Variants in DNAH1 observed in about 807,000 individuals in gnomAD.
The protein encoded by DNAH1 is dynein axonemal heavy chain 1.
Under a neutral mutation model 484.3 loss-of-function variants are expected in DNAH1, and 327 were observed. The observed-to-expected ratio is 0.68, with a 90% CI of 0.62 to 0.74. DNAH1 has a LOEUF of 0.74. DNAH1 is among the 30% of genes least tolerant of loss of function. The pLI, the probability that DNAH1 is intolerant of heterozygous loss-of-function variation, is 0.00. For synonymous variants in DNAH1, 2,192 were observed against 2,191.9 expected (o/e 1.00, Z 0.00); for missense variants, 5,052 against 5,546.8 (o/e 0.91, Z 2.83).
Position 52,331,261 on chromosome 3 carries a change from C to G in DNAH1, c.985C>G (p.Arg329Gly). ...VHKTDEKGLV[R>G]DEMGRPILNA... ...CAAGACAGACGAGAAAGGCCTGGTG[C>G]GAGATGAGATGGGGAGGCCCATCCT... is the stretch of plus-strand genomic sequence containing the variant. The change falls in exon 7 of 78, where the codon CGA becomes GGA. Residue 329 changes from arginine (R) to glycine (G), a missense_variant. By Grantham distance (125) the Arg-to-Gly change is moderately radical. Coordinates refer to ENST00000420323, the MANE Select transcript of DNAH1 (RefSeq NM_015512.5). 6.2e-7 allele frequency: 1 copy of G among 1,611,144 alleles called. No homozygotes were observed. Among genetic ancestry groups the G allele is most frequent in the Non-Finnish European group, 8.5e-7 (1 of 1,178,792 alleles).
At position 52,393,323 on chromosome 3, in the gene DNAH1, C is replaced by T. The variant is rs748927162; in HGVS notation, c.10475-11C>T. 5 of 1,613,768 alleles carry T rather than the reference C, an allele frequency of 3.1e-6. No homozygotes were observed. Among genetic ancestry groups the T allele is most frequent in the South Asian group, 2.2e-5 (2 of 91,068 alleles). On this transcript the variant is annotated splice_polypyrimidine_tract_variant and intron_variant, in intron 65 of 77. Coordinates refer to ENST00000420323, the MANE Select transcript of DNAH1 (RefSeq NM_015512.5). Reference sequence around the variant, plus strand: ...ACCTCTCCGCGCTGCCATCACTTCTCCACTCCACAGACAACCTGAAGAAGC... The same window carrying T: ...ACCTCTCCGCGCTGCCATCACTTCTTCACTCCACAGACAACCTGAAGAAGC...
Position 52,386,681 on chromosome 3 carries a change from C to A in DNAH1, c.8831C>A (p.Pro2944Gln). The part of the protein sequence containing the change: ...DVTEVRAMQR[P>Q]PPGVKLVIEA... ...CTGCAGGTACGTGCCATGCAGCGGC[C>A]ACCCCCGGGTGTGAAACTGGTCATA... The change falls in exon 56 of 78, where the codon CCA (proline) becomes CAA (glutamine). Residue 2944 changes from proline to glutamine, a missense_variant. Physicochemically the swap from Pro to Gln is moderately conservative, Grantham distance 76. Around this residue, in one of 4 missense-constraint regions of DNAH1, gnomAD observed 2,929 missense variants for 3,409.4 expected, o/e 0.86. Transcript: ENST00000420323. 6.3e-7 allele frequency: 1 copy of A among 1,586,548 alleles called. No homozygotes were observed. Among genetic ancestry groups the A allele is most frequent in the South Asian group, 1.2e-5 (1 of 86,538 alleles).
At position 52,357,035 on chromosome 3, in the gene DNAH1, T is replaced by G. The variant is rs369054867; in HGVS notation, c.3858+257T>G. ...TTTTTTTTGTTTGTCTGTTTTTTTT[T>G]TTTTGTTTTTTTTTTTGAAACAGAG... is the stretch of plus-strand genomic sequence containing the variant. On this transcript the variant is annotated intron_variant, in intron 22 of 77. Coordinates refer to ENST00000420323, the MANE Select transcript of DNAH1 (RefSeq NM_015512.5). Among the ~76,000 whole-genome samples the G allele has an allele frequency of 0.034, 5,063 of 151,068 alleles. 260 individuals are homozygous for G. The highest frequency in any genetic ancestry group is 0.1 in the African/African-American group (4,270 of 40,764).
Position 52,392,491 on chromosome 3 carries a change from G to C in DNAH1, c.10080G>C (p.Gln3360His), listed in dbSNP as rs116930509. Residue 3360 changes from glutamine to histidine, a missense_variant, in exon 64 of 78, where the codon CAG (glutamine) becomes CAC (histidine). Gln to His is a conservative substitution (Grantham distance 24, BLOSUM62 0). This residue lies in a region of DNAH1 where 2,929 missense variants were observed against 3,409.4 expected (regional missense o/e 0.86). Coordinates refer to ENST00000420323, the MANE Select transcript of DNAH1 (RefSeq NM_015512.5). ...GCCTAGAGGACCAGCTACTGGGCCA[G>C]GTAGTGGCAGAGGAGCGACCCGACC... ...PSGLEDQLLG[Q>H]VVAEERPDLE... 627 of 1,613,834 alleles carry C rather than the reference G, an allele frequency of 3.9e-4. 8 individuals carry two copies. The East Asian group carries it at 0.011, about 28-fold the overall frequency.
chr3:52,393,158 G>C, intron 65 of DNAH1, 133 bp downstream of exon 65: 1 of 1,416,414 alleles, frequency 7.1e-7, no homozygotes, highest in Non-Finnish European at 9.7e-7. Flanking sequence ...CAATACATAA[G>C]AATGCACACA....
intron 54 of DNAH1, 110 bp from the exon 55 acceptor site, chr3:52,386,050 G>A: frequency 7.8e-7 from 1 of 1,275,962 alleles, no homozygotes; most frequent in Non-Finnish European, 1.1e-6. Flanking sequence ...GCCTGTCACA[G>A]CTGGAGGGCC....
In DNAH1 at chr3:52,353,415, A is replaced by C. The variant is rs1432582836; in HGVS notation, c.3262A>C (p.Ile1088Leu). ...AGTGGCCTTGGACATCCGGGCCCGC[A>C]TCGAGGAGTTCAAACCATACATCCC... ...QEVALDIRAR[I>L]EEFKPYIPLI... The change falls in exon 20 of 78, where the codon ATC (isoleucine) becomes CTC (leucine). Residue 1088 changes from isoleucine to leucine, a missense_variant. This residue lies in a region of DNAH1 where 2,929 missense variants were observed against 3,409.4 expected (regional missense o/e 0.86). Coordinates refer to ENST00000420323, the MANE Select transcript of DNAH1 (RefSeq NM_015512.5). This position sits in a 1 kb window ranked among gnomAD's most constrained non-coding sequence, Gnocchi z 5.0. The C allele has an allele frequency of 1.9e-6, 3 of 1,613,624 alleles. No individual in the cohort carries two copies. The highest frequency in any genetic ancestry group is 1.7e-4 in the Middle Eastern group (1 of 6,060).
chr3:52,397,679 G>C (rs983037611), intron 73 of DNAH1, 28 bp from the exon 74 acceptor site: 4 of 1,566,188 alleles, frequency 2.6e-6, no homozygotes, highest in Non-Finnish European at 3.5e-6. Flanking sequence ...CAAGCCAGGG[G>C]CTTCCATGTT....
chr3:52,385,511 G>T, intron 54 of DNAH1, 64 bp downstream of exon 54: 1 of 1,387,610 alleles, frequency 7.2e-7, no homozygotes, highest in South Asian at 1.2e-5. Context: ...CCCCCACACA[G>T]GCGCAGGCTC....
At chr3:52,399,352 C>T (rs954232504) in intron 76 of DNAH1, among the ~76,000 whole-genome samples, 151 bp downstream of exon 76, 2 of 152,170 alleles carry the variant, frequency 1.3e-5, no homozygotes, top group Non-Finnish European at 2.9e-5. Context: ...GTCCCAGGAA[C>T]GGGTCTGGGC....
chr3:52,368,816 C>T lies in DNAH1; in HGVS notation c.5841C>T (p.Phe1947=), dbSNP rs925446845. Residue 1947 remains phenylalanine (F), a synonymous_variant, in exon 37 of 78, where the codon TTC becomes TTT. Transcript: ENST00000420323. The surrounding 1 kb of genome is among the most constrained non-coding windows in gnomAD (Gnocchi z 4.4). ...ACACCAACAAGAAGTGGTACATGTTCGATGGGCCGGTGGATGCCATCTGGA... is the reference window on the plus strand; with the variant it reads ...ACACCAACAAGAAGTGGTACATGTTTGATGGGCCGGTGGATGCCATCTGGA... ...TSDTNKKWYM[F]DGPVDAIWIE... is the part of the protein sequence containing the mutation. The T allele has an allele frequency of 3.7e-6, 6 of 1,613,966 alleles. No individual in the cohort carries two copies. Among genetic ancestry groups the T allele is most frequent in the South Asian group, 2.2e-5 (2 of 91,080 alleles).
intron 64 of DNAH1, 55 bp downstream of exon 64, chr3:52,392,744 C>A (rs1047629832): frequency 2.6e-6 from 4 of 1,557,240 alleles, no homozygotes; most frequent in East Asian, 4.7e-5. Flanking sequence ...GCCTGCCCCC[C>A]ACCTCTCCCT....
intron 6 of DNAH1, among the ~76,000 whole-genome samples, chr3:52,329,539 A>T (rs1022922890): frequency 3.9e-5 from 6 of 152,122 alleles, no homozygotes; most frequent in African/African-American, 1.4e-4. Context: ...AACAAAAAAA[A>T]CCAGGGGGCC....
chr3:52,337,374 C>T (rs907400824), intron 8 of DNAH1, among the ~76,000 whole-genome samples: 14 of 152,168 alleles, frequency 9.2e-5, no homozygotes, highest in Non-Finnish European at 4.4e-5. Context: ...TTGATATCAG[C>T]GTAGCAACCT....
At position 52,400,329 on chromosome 3, in the gene DNAH1, A is replaced by G. The variant is rs1217889026; in HGVS notation, c.12681A>G (p.Thr4227=). ...CCCCCTCCTTGCCCATTCCAGGAAC[A>G]CTATCAACCACAGGACACTCTACCA... is the stretch of plus-strand genomic sequence containing the variant. ...PIYKTLTRAG[T]LSTTGHSTNY... Residue 4227 remains threonine, a synonymous_variant, in exon 78 of 78, where the codon ACA becomes ACG. Coordinates refer to ENST00000420323, the MANE Select transcript of DNAH1 (RefSeq NM_015512.5). 1 of 1,613,960 alleles carries G rather than the reference A, an allele frequency of 6.2e-7. No individual in the cohort carries two copies. The highest frequency in any genetic ancestry group is 1.1e-5 in the South Asian group (1 of 91,088).
chr3:52,360,195 T>C, intron 27 of DNAH1, 116 bp downstream of exon 27: 1 of 1,517,582 alleles, frequency 6.6e-7, no homozygotes, highest in Non-Finnish European at 9.0e-7. Flanking sequence ...TGGGACAAGC[T>C]GGGTATGGGT....
intron 41 of DNAH1, among the ~76,000 whole-genome samples, 184 bp from the exon 42 acceptor site, chr3:52,371,762 C>T (rs947979254): frequency 1.3e-5 from 2 of 152,222 alleles, no homozygotes; most frequent in Non-Finnish European, 2.9e-5. Flanking sequence ...GGGAGTCCCC[C>T]TCCCCATGCA....
intron 3 of DNAH1, among the ~76,000 whole-genome samples, chr3:52,324,770 TG>T (rs1701275170): frequency 6.6e-6 from 1 of 151,986 alleles, no homozygotes; most frequent in South Asian, 2.1e-4. Flanking sequence ...CTGGGGGTAT[TG>T]GGAATGGTGC....
rs570044937 is a variant in DNAH1 at position 52,368,773 on chromosome 3, C to A, written c.5798C>A (p.Ala1933Glu). 1 of 1,613,884 alleles carries A rather than the reference C, an allele frequency of 6.2e-7. No individual in the cohort carries two copies. Among genetic ancestry groups the A allele is most frequent in the South Asian group, 1.1e-5 (1 of 91,076 alleles). ...GGGATATTCTCCTCGTTCATCCGGGCGGGGGCCATCACCTCCGACACCAAC... is the reference window on the plus strand; with the variant it reads ...GGGATATTCTCCTCGTTCATCCGGGAGGGGGCCATCACCTCCGACACCAAC... The part of the protein sequence containing the change: ...TDGIFSSFIR[A>E]GAITSDTNKK... The change falls in exon 37 of 78, where the codon GCG becomes GAG. Residue 1933 changes from alanine to glutamate, a missense_variant. Transcript: ENST00000420323. The surrounding 1 kb of genome is among the most constrained non-coding windows in gnomAD (Gnocchi z 4.4).
Sources: allele counts gnomAD v4.1 joint callset (sites outside exome capture counted in the v4.1 genomes callset), GRCh38; gene constraint gnomAD v4.1.1; regional missense constraint gnomAD v4.1.1; non-coding constraint Gnocchi (gnomAD v3.1); transcripts MANE v1.5; gene names NCBI Gene and HGNC (gene_info 2026-07-23, HGNC 2026-07-21).